Variants in TLK1 observed in about 807,000 individuals in gnomAD.
TLK1 encodes the protein serine/threonine-protein kinase tousled-like 1.
In TLK1, 24 loss-of-function variants were observed where a neutral mutation model predicts 105.3. That is an observed-to-expected ratio of 0.23 (90% confidence interval 0.17 to 0.32). TLK1 has a LOEUF of 0.32. Among genes scored for constraint, TLK1 ranks in the 10% least tolerant of loss-of-function variants. The pLI is 1.00. For missense variants in TLK1, 558 were observed against 910.5 expected (o/e 0.61, Z 4.98); for synonymous variants, 321 against 310.4 (o/e 1.03, Z -0.36).
intron 3 of TLK1, among the ~76,000 whole-genome samples, chr2:171,082,280 G>T (rs1055910823): frequency 6.6e-6 from 1 of 151,954 alleles, no homozygotes; most frequent in African/African-American, 2.4e-5. Flanking sequence ...GTGGGTAAAA[G>T]GGGGAGGGAT....
intron 2 of TLK1, among the ~76,000 whole-genome samples, chr2:171,087,622 T>G (rs956050219): frequency 6.6e-6 from 1 of 152,024 alleles, no homozygotes; most frequent in Non-Finnish European, 1.5e-5. Flanking sequence ...GTTCACTCAA[T>G]CTCCCAAGCA....
intron 2 of TLK1, among the ~76,000 whole-genome samples, chr2:171,100,927 C>T (rs1689663173): frequency 6.6e-6 from 1 of 152,152 alleles, no homozygotes; most frequent in African/African-American, 2.4e-5. Flanking sequence ...ACCCAATGTC[C>T]AACAACTCAC....
At chr2:170,999,149 G>A (rs1031987408) in intron 18 of TLK1, among the ~76,000 whole-genome samples, 2 of 152,182 alleles carry the variant, frequency 1.3e-5, no homozygotes, top group African/African-American at 4.8e-5. Context: ...AAGGATGCAA[G>A]CATCTCACAC....
intron 1 of TLK1, among the ~76,000 whole-genome samples, chr2:171,158,984 T>G (rs1455048170): frequency 2.0e-5 from 3 of 152,258 alleles, no homozygotes; most frequent in Non-Finnish European, 2.9e-5. Flanking sequence ...TTAAGCCTAT[T>G]GTCACTTTCA....
intron 12 of TLK1, among the ~76,000 whole-genome samples, chr2:171,022,493 G>T (rs964665129): frequency 2.0e-5 from 3 of 151,930 alleles, no homozygotes. Flanking sequence ...GCTTAATCAC[G>T]ACTTTTTCCA....
intron 1 of TLK1, among the ~76,000 whole-genome samples, chr2:171,186,315 C>CCACATGGAAGCGA: frequency 1.3e-5 from 2 of 152,352 alleles, no homozygotes; most frequent in Middle Eastern, 6.8e-3. Flanking sequence ...ACACACCATG[C>CCACATGGAAGCGA]CACATGGAAG....
chr2:171,095,124 T>C (rs964786982), intron 2 of TLK1, among the ~76,000 whole-genome samples: 1 of 151,768 alleles, frequency 6.6e-6, no homozygotes, highest in East Asian at 1.9e-4. Context: ...TGAGATAAAG[T>C]TAAAGCAGTG....
chr2:171,186,798 C>T (rs1011358519), intron 1 of TLK1, among the ~76,000 whole-genome samples: 1 of 151,868 alleles, frequency 6.6e-6, no homozygotes, highest in African/African-American at 2.4e-5. Context: ...GGTGGCTCAT[C>T]CTTGTAATCT....
rs1340440311 is a variant in TLK1 at position 170,992,883 on chromosome 2, T to G, written c.*897A>C. The G allele has an allele frequency of 6.6e-6, 1 of 152,656 alleles. No homozygotes were observed. The highest frequency in any genetic ancestry group is 1.5e-5 in the Non-Finnish European group (1 of 68,032). The allele number at this position is 152,656 out of a possible 1,614,324, so 9.5% of individuals were successfully genotyped here. On this transcript the variant is annotated 3_prime_UTR_variant, in exon 21 of 21. Transcript: ENST00000431350. ...GAAACTTAGTAATTGAAATATGACA[T>G]CTGTACAACAATTTACAATAGAGCT...
rs1692437884 is a variant in TLK1 at position 171,160,439 on chromosome 2, T to C, written c.-11A>G. On this transcript the variant is annotated 5_prime_UTR_variant, in exon 1 of 21. Coordinates refer to ENST00000431350, the MANE Select transcript of TLK1 (RefSeq NM_012290.5). This position sits in a 1 kb window ranked among gnomAD's most constrained non-coding sequence, Gnocchi z 4.4. The stretch of plus-strand genomic sequence containing the variant: ...ACTTTGGACACTCATCAAGCTACTT[T>C]CTGGGAACCCGACTCCCCCCCTGCG... The C allele has an allele frequency of 1.3e-6, 2 of 1,590,898 alleles. No individual in the cohort carries two copies. The highest frequency in any genetic ancestry group is 1.7e-6 in the Non-Finnish European group (2 of 1,170,528).
chr2:171,120,415 C>G, intron 1 of TLK1, among the ~76,000 whole-genome samples: 1 of 151,704 alleles, frequency 6.6e-6, no homozygotes. Flanking sequence ...GGATTGATAT[C>G]CAGAATATAT....
chr2:171,007,683 CCCAA>C (rs1221405894), intron 14 of TLK1, among the ~76,000 whole-genome samples: 4 of 151,966 alleles, frequency 2.6e-5, no homozygotes, highest in African/African-American at 9.7e-5. Context: ...TCCCACCCTT[CCCAA>C]CCAGAGTATT....
chr2:171,187,076 A>G lies in TLK1; in HGVS notation c.-6+44069T>C, dbSNP rs1160753174. Among the ~76,000 whole-genome samples, 17 of 128,028 alleles carry G rather than the reference A, an allele frequency of 1.3e-4. 1 individual carries two copies. Among genetic ancestry groups the G allele is most frequent in the Non-Finnish European group, 7.7e-5 (5 of 64,934 alleles). The allele number at this position is 128,028 out of a possible 152,430, so 84.0% of individuals were successfully genotyped here. On this transcript the variant is annotated intron_variant, in intron 1 of 20. Coordinates refer to the TLK1 transcript ENST00000521943. ...CTGTCTCAAAAAAAAAAAAAAAAAA[A>G]AAAAAAAGAAAAAGAAAAAGAAAAA... is the stretch of plus-strand genomic sequence containing the variant.
intron 12 of TLK1, among the ~76,000 whole-genome samples, chr2:171,026,454 C>A (rs770675119): frequency 2.0e-5 from 3 of 152,050 alleles, no homozygotes; most frequent in Non-Finnish European, 4.4e-5. Flanking sequence ...TAGCCAATTC[C>A]TAATTTAACT....
At chr2:171,020,867 A>G (rs1385596293) in intron 12 of TLK1, among the ~76,000 whole-genome samples, 2 of 152,174 alleles carry the variant, frequency 1.3e-5, no homozygotes, top group Non-Finnish European at 2.9e-5. Context: ...GATAAAAATC[A>G]TTAAATATTG....
intron 11 of TLK1, among the ~76,000 whole-genome samples, chr2:171,030,331 T>G (rs1685981072): frequency 1.3e-5 from 2 of 152,066 alleles, no homozygotes; most frequent in Admixed American, 6.6e-5. Context: ...ATTAACATGT[T>G]AAATTAAACT....
intron 8 of TLK1, 62 bp from the exon 9 acceptor site, chr2:171,050,236 G>A (rs929990956): frequency 8.7e-7 from 1 of 1,143,884 alleles, no homozygotes; most frequent in African/African-American, 1.6e-5. Context: ...CTTAGAAATA[G>A]TTTTAATGTT....
intron 1 of TLK1, among the ~76,000 whole-genome samples, chr2:171,133,902 C>A (rs1029245673): frequency 1.3e-5 from 2 of 151,782 alleles, no homozygotes; most frequent in African/African-American, 4.8e-5. Context: ...GTGGCATGAT[C>A]GCAGCTAACT....
intron 1 of TLK1, among the ~76,000 whole-genome samples, chr2:171,123,255 GGC>G (rs1690734060): frequency 6.6e-6 from 1 of 152,064 alleles, no homozygotes; most frequent in African/African-American, 2.4e-5. Flanking sequence ...GAAGTGCAGT[GGC>G]ACAATCTCGG....
Sources: gnomAD v4.1 joint callset for allele counts (sites outside exome capture counted in the v4.1 genomes callset) on GRCh38, gnomAD v4.1.1 for gene constraint, Gnocchi (gnomAD v3.1) non-coding constraint, MANE v1.5 for transcripts, NCBI Gene and HGNC (gene_info 2026-07-23, HGNC 2026-07-21) for gene names.